The following VIRMA variants were observed in gnomAD, a reference collection of about 807,000 sequenced individuals.
VIRMA encodes the protein protein virilizer homolog.
VIRMA carries 65 observed loss-of-function variants against 182.4 expected under a neutral mutation model. The observed-to-expected ratio is 0.36, with a 90% CI of 0.29 to 0.44. The LOEUF (loss-of-function observed/expected upper bound fraction) is 0.44, where lower values mean the gene tolerates loss of function less well. Among genes scored for constraint, VIRMA ranks in the 20% least tolerant of loss-of-function variants. The pLI is 1.00. For synonymous variants in VIRMA, 709 were observed against 743.1 expected, an observed-to-expected ratio of 0.95 and a Z score of 0.75; for missense variants, 1,752 against 2,158.1, an observed-to-expected ratio of 0.81 and a Z score of 3.73.
In VIRMA at chr8:94,514,960, G is replaced by T; in HGVS notation, c.2669-9C>A. On this transcript the variant is annotated splice_polypyrimidine_tract_variant and intron_variant, in intron 10 of 23. Transcript: ENST00000297591. Reference sequence around the variant, plus strand: ...AAGCCACTTGCCAAGTTCTTAAAAAGAAAAATAATTTATAATATTTAAAAA... The same window carrying T: ...AAGCCACTTGCCAAGTTCTTAAAAATAAAAATAATTTATAATATTTAAAAA... 1.4e-6 allele frequency: 2 copies of T among 1,411,502 alleles called. No homozygotes were observed. Among genetic ancestry groups the T allele is most frequent in the Non-Finnish European group, 1.9e-6 (2 of 1,029,854 alleles). 87.4% of individuals were successfully genotyped at this position (1,411,502 alleles called of 1,614,324 possible). A position where few individuals can be genotyped will look rare whatever the true frequency, so the allele number is the denominator to read the frequency against.
chr8:94,537,280 C>T, intron 3 of VIRMA, 129 bp from the exon 4 acceptor site: 1 of 691,236 alleles, frequency 1.4e-6, no homozygotes, highest in South Asian at 1.6e-5. Flanking sequence ...CAATAAACCA[C>T]AAAGTTTGAG....
chr8:94,552,305 A>C (rs12679345), intron 1 of VIRMA, among the ~76,000 whole-genome samples: 1 of 152,036 alleles, frequency 6.6e-6, no homozygotes, highest in African/African-American at 2.4e-5. Flanking sequence ...ATTATGATAC[A>C]ATCACTACCC....
rs559686110 is a variant in VIRMA, at chr8:94,518,950, A to G, written c.2513+35T>C. The G allele has an allele frequency of 1.9e-4, 297 of 1,530,976 alleles. 3 individuals carry two copies. The South Asian group carries it at 3.5e-3, about 18-fold the overall frequency. 94.8% of individuals were successfully genotyped at this position (1,530,976 alleles called of 1,614,324 possible). A position where few individuals can be genotyped will look rare whatever the true frequency, so the allele number is the denominator to read the frequency against. On this transcript the variant is annotated intron_variant, in intron 9 of 23. Coordinates refer to ENST00000297591, the MANE Select transcript of VIRMA (RefSeq NM_015496.5). ...CCATTAGTTAATCTGATTTTCTAAC[A>G]TCATAGAAAATTTAAGGAGTAAGTA... is the stretch of plus-strand genomic sequence containing the variant.
intron 16 of VIRMA, among the ~76,000 whole-genome samples, chr8:94,499,779 T>A (rs1394374753): frequency 6.6e-6 from 1 of 152,114 alleles, no homozygotes; most frequent in Non-Finnish European, 1.5e-5. Context: ...GTGTGGTGGC[T>A]CACGCCTGTA....
At chr8:94,542,316 C>A (rs566961496) in intron 2 of VIRMA, among the ~76,000 whole-genome samples, 1 of 152,176 alleles carries the variant, frequency 6.6e-6, no homozygotes, top group African/African-American at 2.4e-5. Context: ...TGTCATGACA[C>A]GAACAAGCCC....
rs1813644344 is a variant in VIRMA, at chr8:94,492,699, T to C, written c.4761A>G (p.Lys1587=). Residue 1587 remains lysine (K), a synonymous_variant, in exon 21 of 24, where the codon AAA becomes AAG. Coordinates refer to ENST00000297591, the MANE Select transcript of VIRMA (RefSeq NM_015496.5). ...GCTTGTGCTTCCCAAGTTTGAATCCTTTAGTAGTCTTGGTTCTTCCTGGAG... is the reference window on the plus strand; with the variant it reads ...GCTTGTGCTTCCCAAGTTTGAATCCCTTAGTAGTCTTGGTTCTTCCTGGAG... ...PSSPGRTKTT[K]GFKLGKHKHE... is the part of the protein sequence containing the mutation. 6.2e-7 allele frequency: 1 copy of C among 1,614,048 alleles called. No individual in the cohort carries two copies. The highest frequency in any genetic ancestry group is 8.5e-7 in the Non-Finnish European group (1 of 1,179,918).
At chr8:94,551,040 C>T (rs3133654) in intron 1 of VIRMA, among the ~76,000 whole-genome samples, 94,374 of 152,052 alleles carry the variant, frequency 0.62, 29,686 homozygotes, top group East Asian at 0.81. Context: ...AATTCTTTGT[C>T]GAGCATTCAA....
chr8:94,506,257 A>G (rs1054057898), intron 16 of VIRMA, among the ~76,000 whole-genome samples: 1 of 152,228 alleles, frequency 6.6e-6, no homozygotes, highest in Admixed American at 6.5e-5. Flanking sequence ...TTCCTTCCAG[A>G]TACTGTACCA....
intron 8 of VIRMA, among the ~76,000 whole-genome samples, chr8:94,523,947 C>T (rs1424506251): frequency 6.6e-6 from 1 of 151,698 alleles, no homozygotes; most frequent in African/African-American, 2.4e-5. Context: ...CACATTCCAC[C>T]AAAGCCCGGC....
intron 11 of VIRMA, among the ~76,000 whole-genome samples, chr8:94,514,498 A>G (rs2130316156): frequency 6.6e-6 from 1 of 152,336 alleles, no homozygotes; most frequent in Admixed American, 6.5e-5. Flanking sequence ...AAATATTTTG[A>G]GTGAAATTCT....
intron 6 of VIRMA, among the ~76,000 whole-genome samples, chr8:94,529,786 T>G (rs1174064604): frequency 6.6e-6 from 1 of 151,946 alleles, no homozygotes; most frequent in Non-Finnish European, 1.5e-5. Flanking sequence ...ATTACAGGCG[T>G]GTAACACCAC....
intron 2 of VIRMA, among the ~76,000 whole-genome samples, chr8:94,541,361 A>G (rs1815548088): frequency 6.6e-6 from 1 of 152,094 alleles, no homozygotes; most frequent in Admixed American, 6.6e-5. Context: ...CGGCCTCCCA[A>G]AGTGCTGGGA....
At chr8:94,514,172 A>G (rs1814476003) in intron 11 of VIRMA, among the ~76,000 whole-genome samples, 1 of 152,208 alleles carries the variant, frequency 6.6e-6, no homozygotes, top group African/African-American at 2.4e-5. Flanking sequence ...AATGAGAGAG[A>G]TAATTCAAGG....
At chr8:94,527,581 A>C (rs1374976625) in intron 7 of VIRMA, among the ~76,000 whole-genome samples, 3 of 152,226 alleles carry the variant, frequency 2.0e-5, no homozygotes, top group Non-Finnish European at 4.4e-5. Context: ...GTGAGACCTG[A>C]AAACTGGACA....
chr8:94,523,135 T>C (rs535562000), intron 8 of VIRMA, among the ~76,000 whole-genome samples: 16 of 152,354 alleles, frequency 1.1e-4, no homozygotes, highest in Admixed American at 5.2e-4. Context: ...GTATTATATT[T>C]GCATACTTAC....
intron 15 of VIRMA, among the ~76,000 whole-genome samples, chr8:94,507,452 T>C (rs1254291282): frequency 6.6e-6 from 1 of 151,110 alleles, no homozygotes; most frequent in African/African-American, 2.4e-5. Context: ...AAGTTTAATA[T>C]ACATTAATAC....
Position 94,541,844 on chromosome 8 carries a change from C to CA in VIRMA, c.179+1982dup, listed in dbSNP as rs200456636. 7.1e-3 allele frequency among the ~76,000 whole-genome samples: 1,002 copies of CA among 140,378 alleles called. 7 individuals carry two copies. Among genetic ancestry groups the CA allele is most frequent in the African/African-American group, 0.024 (946 of 38,854 alleles). The allele number at this position is 140,378 out of a possible 152,430, so 92.1% of individuals were successfully genotyped here. Reference sequence around the variant, plus strand: ...GGCATAAGCCACCGTGCCTGGCCCTCACTCTTACATTTGTTTTACTGCGTT... The same window carrying CA: ...GGCATAAGCCACCGTGCCTGGCCCTCAACTCTTACATTTGTTTTACTGCGTT... On this transcript the variant is annotated intron_variant, in intron 2 of 23. Coordinates refer to ENST00000297591, the MANE Select transcript of VIRMA (RefSeq NM_015496.5).
At chr8:94,530,934 GA>G (rs1336600256) in intron 6 of VIRMA, 28 bp downstream of exon 6, 1 of 1,590,258 alleles carries the variant, frequency 6.3e-7, no homozygotes, top group Admixed American at 1.8e-5. Context: ...AACTAGGGGG[GA>G]AAACCTTAGC....
chr8:94,501,242 C>T (rs57108375), intron 16 of VIRMA, among the ~76,000 whole-genome samples: 3,020 of 114,020 alleles, frequency 0.026, 131 homozygotes, highest in Admixed American at 0.14. Context: ...GGGGACAGTG[C>T]GAGATTCCAT....
Sources: gnomAD v4.1 joint callset for allele counts (sites outside exome capture counted in the v4.1 genomes callset) on GRCh38, gnomAD v4.1.1 for gene constraint, MANE v1.5 for transcripts, NCBI Gene and HGNC (gene_info 2026-07-23, HGNC 2026-07-21) for gene names.